Variants in ZNF383 observed in about 807,000 individuals in gnomAD.
The protein encoded by ZNF383 is zinc finger protein 383.
ZNF383 carries 32 observed loss-of-function variants against 44.2 expected under a neutral mutation model. That is an observed-to-expected ratio of 0.72 (90% CI 0.55 to 0.97). The LOEUF is 0.97. Among genes scored for constraint, ZNF383 ranks in the 50% least tolerant of loss-of-function variants. ZNF383 has a pLI of 0.00. For missense variants in ZNF383, 487 were observed against 562.5 expected, an observed-to-expected ratio of 0.87 and a Z score of 1.36; for synonymous variants, 155 against 186.2, an observed-to-expected ratio of 0.83 and a Z score of 1.36.
intron 5 of ZNF383, among the ~76,000 whole-genome samples, chr19:37,239,442 C>T (rs1358657815): frequency 6.6e-6 from 1 of 152,066 alleles, no homozygotes; most frequent in Non-Finnish European, 1.5e-5. Flanking sequence ...CTAGGCTTGC[C>T]ACTAGGTCTT....
intron 3 of ZNF383, among the ~76,000 whole-genome samples, chr19:37,232,168 C>T (rs192860886): frequency 4.0e-4 from 61 of 151,986 alleles, no homozygotes; most frequent in African/African-American, 1.4e-3. Context: ...CTCCGCCTCC[C>T]AGGTTCAAGC....
At chr19:37,228,647 T>A (rs1195432718) in intron 2 of ZNF383, among the ~76,000 whole-genome samples, 1 of 152,008 alleles carries the variant, frequency 6.6e-6, no homozygotes, top group East Asian at 1.9e-4. Context: ...GTGAATCCCC[T>A]TTTCATCTTG....
Position 37,230,445 on chromosome 19 carries a change from C to T in ZNF383, c.-9C>T, listed in dbSNP as rs150547372. ...CAAGGAAGACTAACCATCTGCAATA[C>T]TAGAAGCCATGGCTGAGGTGAGTTG... On this transcript the variant is annotated 5_prime_UTR_variant, in exon 3 of 6. Coordinates refer to ENST00000684119, the MANE Select transcript of ZNF383 (RefSeq NM_001387601.1). 1 of 1,613,048 alleles carries T rather than the reference C, an allele frequency of 6.2e-7. No individual in the cohort carries two copies. The highest frequency in any genetic ancestry group is 8.5e-7 in the Non-Finnish European group (1 of 1,179,622).
chr19:37,220,844 A>G (rs1356053637), intron 1 of ZNF383, among the ~76,000 whole-genome samples: 1 of 152,166 alleles, frequency 6.6e-6, no homozygotes, highest in African/African-American at 2.4e-5. Context: ...GCTTATCCCT[A>G]AACAATATAG....
At chr19:37,241,741 T>G (rs320875) in intron 5 of ZNF383, among the ~76,000 whole-genome samples, 17,988 of 151,930 alleles carry the variant, frequency 0.12, 1,255 homozygotes, top group Non-Finnish European at 0.15. Flanking sequence ...AGACCTCCTG[T>G]CAGGAAATTC....
At chr19:37,235,769 G>T in intron 4 of ZNF383, 94 bp downstream of exon 4, 2 of 1,448,302 alleles carry the variant, frequency 1.4e-6, no homozygotes, top group Non-Finnish European at 9.3e-7. Context: ...GTTACTAGCT[G>T]AATTTCTATT....
At chr19:37,224,658 T>C (rs1309869205) in intron 1 of ZNF383, among the ~76,000 whole-genome samples, 160 bp from the exon 2 acceptor site, 1 of 151,808 alleles carries the variant, frequency 6.6e-6, no homozygotes, top group Non-Finnish European at 1.5e-5. Flanking sequence ...GCTCAGGTGA[T>C]TGTCCCATCA....
chr19:37,239,748 G>A (rs778009586), intron 5 of ZNF383, among the ~76,000 whole-genome samples: 4 of 152,110 alleles, frequency 2.6e-5, no homozygotes, highest in Non-Finnish European at 5.9e-5. Flanking sequence ...GACTGGTTGA[G>A]GAGGCTACTT....
intron 2 of ZNF383, among the ~76,000 whole-genome samples, chr19:37,228,384 G>T (rs1403153263): frequency 6.6e-6 from 1 of 150,916 alleles, no homozygotes; most frequent in African/African-American, 2.4e-5. Flanking sequence ...GATTATTATT[G>T]GAATAAAGAG....
At chr19:37,235,765 A>G in intron 4 of ZNF383, 90 bp downstream of exon 4, 1 of 1,461,530 alleles carries the variant, frequency 6.8e-7, no homozygotes, top group Non-Finnish European at 9.2e-7. Flanking sequence ...TCAGGTTACT[A>G]GCTGAATTTC....
At chr19:37,233,192 G>A (rs1482585545) in intron 3 of ZNF383, among the ~76,000 whole-genome samples, 3 of 152,036 alleles carry the variant, frequency 2.0e-5, no homozygotes, top group African/African-American at 7.2e-5. Flanking sequence ...GTGCAGTGGT[G>A]ATATCTCAGC....
rs1464458840 is a variant in ZNF383 at position 37,244,246 on chromosome 19, G to C, written c.*582G>C. ...TCACAGGCGTGTGCCACCACACCCTGCTAATTTTCTATTTTTAGTAGAGAC... is the reference window on the plus strand; with the variant it reads ...TCACAGGCGTGTGCCACCACACCCTCCTAATTTTCTATTTTTAGTAGAGAC... On this transcript the variant is annotated 3_prime_UTR_variant, in exon 6 of 6. Coordinates refer to ENST00000684119, the MANE Select transcript of ZNF383 (RefSeq NM_001387601.1). 6.6e-6 allele frequency: 1 copy of C among 152,064 alleles called. No individual in the cohort carries two copies. Among genetic ancestry groups the C allele is most frequent in the Non-Finnish European group, 1.5e-5 (1 of 68,078 alleles). The allele number at this position is 152,064 out of a possible 1,614,324, so 9.4% of individuals were successfully genotyped here.
At position 37,242,611 on chromosome 19, in the gene ZNF383, C is replaced by A. The variant is rs766667601; in HGVS notation, c.375C>A (p.Ser125Arg). Residue 125 changes from serine (S) to arginine (R), a missense_variant, in exon 6 of 6, where the codon AGC (serine) becomes AGA (arginine). Physicochemically the swap from Ser to Arg is moderately radical, Grantham distance 110. Transcript: ENST00000684119. ...TTGGAGATGTTTTGGAATATAGAAG[C>A]CACCTTGCAAAACAACTGGGATATC... ...SSFGDVLEYR[S>R]HLAKQLGYPN... The A allele has an allele frequency of 6.2e-7, 1 of 1,613,990 alleles. No individual in the cohort carries two copies. The highest frequency in any genetic ancestry group is 8.5e-7 in the Non-Finnish European group (1 of 1,179,960).
At chr19:37,230,266 T>A in intron 2 of ZNF383, 143 bp from the exon 3 acceptor site, 2 of 559,618 alleles carry the variant, frequency 3.6e-6, no homozygotes, top group African/African-American at 1.9e-5. Flanking sequence ...GAGGAAGGAG[T>A]AGGATTTGTT....
At chr19:37,229,786 G>GTA (rs386365554) in intron 2 of ZNF383, among the ~76,000 whole-genome samples, 1,969 of 91,114 alleles carry the variant, frequency 0.022, 52 homozygotes, top group East Asian at 0.11. Context: ...ATATGTGTGT[G>GTA]TATATATATA....
Position 37,242,876 on chromosome 19 carries a change from A to G in ZNF383, c.640A>G (p.Thr214Ala). 6.2e-7 allele frequency: 1 copy of G among 1,614,024 alleles called. No homozygotes were observed. The highest frequency in any genetic ancestry group is 8.5e-7 in the Non-Finnish European group (1 of 1,179,948). Reference sequence around the variant, plus strand: ...ATTCTTTAGTTGTGGTTCACATGTTACTCGGCATCTGAAAATTCATACTGG... The same window carrying G: ...ATTCTTTAGTTGTGGTTCACATGTTGCTCGGCATCTGAAAATTCATACTGG... ...GKFFSCGSHV[T>A]RHLKIHTGEK... The change falls in exon 6 of 6, where the codon ACT becomes GCT. Residue 214 changes from threonine (T) to alanine (A), a missense_variant. Physicochemically the swap from Thr to Ala is moderately conservative, Grantham distance 58. Transcript: ENST00000684119.
chr19:37,222,082 T>C (rs172786), intron 1 of ZNF383, among the ~76,000 whole-genome samples: 59,478 of 151,870 alleles, frequency 0.39, 12,568 homozygotes, highest in African/African-American at 0.56. Flanking sequence ...CCACTTCTCC[T>C]AAAGAGAACT....
intron 2 of ZNF383, among the ~76,000 whole-genome samples, chr19:37,227,196 C>T (rs1307467235): frequency 2.7e-5 from 4 of 149,382 alleles, no homozygotes; most frequent in African/African-American, 1.0e-4. Flanking sequence ...CTCACCGCAA[C>T]CTCCGCCTCC....
intron 2 of ZNF383, among the ~76,000 whole-genome samples, chr19:37,229,848 T>C (rs1282611275): frequency 6.7e-6 from 1 of 149,514 alleles, no homozygotes; most frequent in Non-Finnish European, 1.5e-5. Context: ...AATTAGTGCC[T>C]GCATCCCTGT....
Sources: gnomAD v4.1 joint callset for allele counts (sites outside exome capture counted in the v4.1 genomes callset) on GRCh38, gnomAD v4.1.1 for gene constraint, MANE v1.5 for transcripts, NCBI Gene and HGNC (gene_info 2026-07-23, HGNC 2026-07-21) for gene names.